Variants in ZNF804B observed in about 807,000 individuals in gnomAD.
The protein encoded by ZNF804B is zinc finger 804B.
In ZNF804B, 80 loss-of-function variants were observed where a neutral mutation model predicts 101.4. That is an observed-to-expected ratio of 0.79 (90% CI 0.66 to 0.95). The LOEUF (loss-of-function observed/expected upper bound fraction) is 0.95. Among genes scored for constraint, ZNF804B ranks in the 40% least tolerant of loss-of-function variants. ZNF804B has a pLI of 0.00. For synonymous variants in ZNF804B, 622 were observed against 558.8 expected (o/e 1.11, Z -1.59); for missense variants, 1,673 against 1,561.9 (o/e 1.07, Z -1.20).
chr7:89,156,598 C>T (rs1436366370), intron 1 of ZNF804B, among the ~76,000 whole-genome samples: 1 of 152,070 alleles, frequency 6.6e-6, no homozygotes, highest in Admixed American at 6.6e-5. Flanking sequence ...ATGCCAGGAA[C>T]ATAGCAGGTG....
chr7:89,203,855 T>C (rs1161515109), intron 1 of ZNF804B, among the ~76,000 whole-genome samples: 2 of 152,204 alleles, frequency 1.3e-5, no homozygotes, highest in Non-Finnish European at 2.9e-5. Flanking sequence ...ATATGTCATC[T>C]TAGGAGTTTG....
At position 89,336,960 on chromosome 7, in the gene ZNF804B, T is replaced by C; in HGVS notation, c.3978T>C (p.His1326=). Residue 1326 remains histidine, a synonymous_variant, in exon 4 of 4, where the codon CAT becomes CAC. Coordinates refer to ENST00000333190, the MANE Select transcript of ZNF804B (RefSeq NM_181646.5). ...TCCAAGGTCAAGATTTTTGCCATCA[T>C]TCTTGCTCTAGCCAGATGCAACAGC... is the stretch of plus-strand genomic sequence containing the variant. ...PVFQGQDFCH[H]SCSSQMQQLN... 6.2e-7 allele frequency: 1 copy of C among 1,614,144 alleles called. No individual in the cohort carries two copies. Among genetic ancestry groups the C allele is most frequent in the Non-Finnish European group, 8.5e-7 (1 of 1,179,994 alleles).
intron 1 of ZNF804B, among the ~76,000 whole-genome samples, chr7:88,765,442 A>G (rs1476784172): frequency 1.3e-5 from 2 of 152,166 alleles, no homozygotes; most frequent in Non-Finnish European, 2.9e-5. Flanking sequence ...ACGTATTTTT[A>G]TGTGTTAAGT....
intron 1 of ZNF804B, among the ~76,000 whole-genome samples, chr7:88,959,392 C>T (rs1562844041): frequency 2.0e-5 from 3 of 151,386 alleles, no homozygotes; most frequent in South Asian, 2.1e-4. Context: ...AGCTCCAAGA[C>T]ATTAAAACTT....
chr7:88,942,200 T>C (rs1793064080), intron 1 of ZNF804B, among the ~76,000 whole-genome samples: 1 of 151,896 alleles, frequency 6.6e-6, no homozygotes, highest in African/African-American at 2.4e-5. Context: ...AATCCCCAAA[T>C]TCATCAAGAT....
chr7:88,817,592 T>C (rs542007701), intron 1 of ZNF804B, among the ~76,000 whole-genome samples: 22 of 152,290 alleles, frequency 1.4e-4, no homozygotes, highest in African/African-American at 4.8e-4. Context: ...TAGAATAGCT[T>C]CAGGTTTGCA....
intron 1 of ZNF804B, among the ~76,000 whole-genome samples, chr7:88,868,312 AC>A (rs939576389): frequency 7.2e-5 from 11 of 152,254 alleles, no homozygotes; most frequent in African/African-American, 2.6e-4. Flanking sequence ...CAGCTCATGA[AC>A]CAACTGGGCT....
chr7:89,030,863 CTATAGT>C (rs1269262784), intron 1 of ZNF804B, among the ~76,000 whole-genome samples: 1 of 152,072 alleles, frequency 6.6e-6, no homozygotes, highest in Non-Finnish European at 1.5e-5. Flanking sequence ...TATGCTCCAG[CTATAGT>C]GGTAGCTGCT....
intron 1 of ZNF804B, among the ~76,000 whole-genome samples, chr7:88,892,970 A>G (rs116998184): frequency 0.012 from 1,901 of 152,236 alleles, 13 homozygotes; most frequent in Non-Finnish European, 0.02. Flanking sequence ...TTGTCTTCCT[A>G]TCAGAGTAAT....
At position 89,334,618 on chromosome 7, in the gene ZNF804B, G is replaced by A. The variant is rs758841751; in HGVS notation, c.1636G>A (p.Glu546Lys). ...GACGATGATAGCTAATCCGGATTGG[G>A]AAAAATTCCAGAGGAAATATAATTT... The part of the protein sequence containing the change: ...PKTMIANPDW[E>K]KFQRKYNLDY... The change falls in exon 4 of 4, where the codon GAA (glutamate) becomes AAA (lysine). Residue 546 changes from glutamate (E) to lysine (K), a missense_variant. Physicochemically the swap from Glu to Lys is moderately conservative, Grantham distance 56. Coordinates refer to ENST00000333190, the MANE Select transcript of ZNF804B (RefSeq NM_181646.5). 5.6e-6 allele frequency: 9 copies of A among 1,613,572 alleles called. No individual in the cohort carries two copies.
chr7:89,003,727 C>T (rs945614614), intron 1 of ZNF804B, among the ~76,000 whole-genome samples: 2 of 151,876 alleles, frequency 1.3e-5, no homozygotes, highest in Non-Finnish European at 2.9e-5. Flanking sequence ...CTGAGTGCCT[C>T]GTGCTGCCTC....
chr7:89,320,906 A>G (rs35472245), intron 2 of ZNF804B, among the ~76,000 whole-genome samples: 2,996 of 152,254 alleles, frequency 0.02, 43 homozygotes, highest in Non-Finnish European at 0.029. Context: ...TCCAAAAAAT[A>G]TGTTTCCTAA....
At chr7:88,813,234 T>C (rs1018321096) in intron 1 of ZNF804B, among the ~76,000 whole-genome samples, 18 of 152,036 alleles carry the variant, frequency 1.2e-4, no homozygotes, top group African/African-American at 2.4e-5. Flanking sequence ...GAGACCATCC[T>C]GGTTAACACG....
chr7:88,764,086 T>C (rs1328577583), intron 1 of ZNF804B, among the ~76,000 whole-genome samples: 1 of 152,196 alleles, frequency 6.6e-6, no homozygotes, highest in East Asian at 1.9e-4. Flanking sequence ...ATAGCTTCTA[T>C]GTAATAAGAA....
chr7:88,873,852 A>G (rs899742013), intron 1 of ZNF804B, among the ~76,000 whole-genome samples: 6 of 152,144 alleles, frequency 3.9e-5, no homozygotes, highest in Admixed American at 3.9e-4. Context: ...TACCAGTACC[A>G]CACTGTTTTG....
At chr7:88,850,333 G>C (rs190408388) in intron 1 of ZNF804B, among the ~76,000 whole-genome samples, 8 of 152,180 alleles carry the variant, frequency 5.3e-5, no homozygotes, top group Admixed American at 4.6e-4. Flanking sequence ...GGGAATACAA[G>C]GTGGCTAAAG....
chr7:89,242,605 A>T (rs1404442255), intron 2 of ZNF804B, among the ~76,000 whole-genome samples: 1 of 151,866 alleles, frequency 6.6e-6, no homozygotes, highest in Non-Finnish European at 1.5e-5. Flanking sequence ...GACACAAAGA[A>T]GCCTTTAGGT....
intron 1 of ZNF804B, among the ~76,000 whole-genome samples, chr7:88,933,697 A>G (rs1455078196): frequency 6.6e-6 from 1 of 151,548 alleles, no homozygotes; most frequent in Non-Finnish European, 1.5e-5. Context: ...AGCTGCAAAA[A>G]ACAAACAAGG....
At chr7:89,171,441 T>TCTC (rs1289752167) in intron 1 of ZNF804B, among the ~76,000 whole-genome samples, 14 of 146,824 alleles carry the variant, frequency 9.5e-5, no homozygotes, top group Admixed American at 4.1e-4. Flanking sequence ...TCCTTCTCCT[T>TCTC]CTTCTTCTTC....
Sources: allele counts gnomAD v4.1 joint callset (sites outside exome capture counted in the v4.1 genomes callset), GRCh38; gene constraint gnomAD v4.1.1; transcripts MANE v1.5; gene names NCBI Gene and HGNC (gene_info 2026-07-23, HGNC 2026-07-21).